The following RANBP17 variants were observed in gnomAD, a reference collection of about 807,000 sequenced individuals.
RANBP17 encodes the protein ran-binding protein 17.
A neutral mutation model predicts 141.2 loss-of-function variants in RANBP17; 158 were observed. The observed-to-expected ratio is 1.12, with a 90% CI of 0.98 to 1.28. The LOEUF (loss-of-function observed/expected upper bound fraction) is 1.28, where lower values mean the gene tolerates loss of function less well. RANBP17 is among the 50% of genes most tolerant of loss of function. The pLI is 0.00. For missense variants in RANBP17, 1,438 were observed against 1,290.7 expected, an observed-to-expected ratio of 1.11 and a Z score of -1.75; for synonymous variants, 430 against 450.0, an observed-to-expected ratio of 0.96 and a Z score of 0.56.
chr5:171,010,282 T>A (rs1779949103), intron 14 of RANBP17, among the ~76,000 whole-genome samples: 1 of 152,218 alleles, frequency 6.6e-6, no homozygotes, highest in African/African-American at 2.4e-5. Flanking sequence ...GCCTCAGGCT[T>A]GCTACGGAAA....
At position 171,219,970 on chromosome 5, in the gene RANBP17, G is replaced by A. The variant is rs558058007; in HGVS notation, c.2340-1788G>A. ...GCTGTGATCATTTGGAGGAGAAGAG[G>A]CATTCTGGTTTTTGGAATTTTCAGT... On this transcript the variant is annotated intron_variant, in intron 21 of 27. Coordinates refer to ENST00000523189, the MANE Select transcript of RANBP17 (RefSeq NM_022897.5). Among the ~76,000 whole-genome samples, 10 of 152,130 alleles carry A rather than the reference G, an allele frequency of 6.6e-5. No individual in the cohort carries two copies. The South Asian group carries it at 8.3e-4, about 13-fold the overall frequency.
rs940355709 is a variant in RANBP17, at chr5:171,105,189, C to T, written c.1711-64941C>T. 1.1e-4 allele frequency among the ~76,000 whole-genome samples: 17 copies of T among 150,594 alleles called. No individual in the cohort carries two copies. The East Asian group carries it at 2.7e-3, about 24-fold the overall frequency. On this transcript the variant is annotated intron_variant, in intron 14 of 27. Coordinates refer to ENST00000523189, the MANE Select transcript of RANBP17 (RefSeq NM_022897.5). ...CGAGGTCAGGAGATCGAGACCATCC[C>T]GGCTAAAACGGTGAAACCCCGTCTC...
At chr5:171,060,309 G>A (rs1783721434) in intron 14 of RANBP17, among the ~76,000 whole-genome samples, 1 of 141,904 alleles carries the variant, frequency 7.0e-6, no homozygotes, top group Non-Finnish European at 1.5e-5. Flanking sequence ...GTTTGTCATA[G>A]ATAGCTCTTA....
At chr5:171,047,140 C>T (rs2127644873) in intron 14 of RANBP17, among the ~76,000 whole-genome samples, 1 of 150,770 alleles carries the variant, frequency 6.6e-6, no homozygotes, top group South Asian at 2.1e-4. Flanking sequence ...GCTTCACTTC[C>T]CGAGTAGCTG....
chr5:171,226,756 T>A (rs1260534960), intron 22 of RANBP17, among the ~76,000 whole-genome samples: 5 of 152,206 alleles, frequency 3.3e-5, no homozygotes, highest in African/African-American at 1.2e-4. Flanking sequence ...AGCTATCACC[T>A]GTTAGGACTT....
chr5:171,174,052 C>T (rs1760277138), intron 16 of RANBP17, among the ~76,000 whole-genome samples: 1 of 152,076 alleles, frequency 6.6e-6, no homozygotes, highest in Admixed American at 6.6e-5. Flanking sequence ...CATTTTACCC[C>T]AGAATTGCTG....
chr5:171,210,139 T>G lies in RANBP17; in HGVS notation c.2232-3492T>G, dbSNP rs111305706. 4.5e-3 allele frequency among the ~76,000 whole-genome samples: 689 copies of G among 152,288 alleles called. 7 individuals carry two copies. The highest frequency in any genetic ancestry group is 0.016 in the African/African-American group (656 of 41,564). The stretch of plus-strand genomic sequence containing the variant: ...CAGTGAAAGCAATTAGATCTGTGCT[T>G]CTTCTACCTAAGGGCTCCCATTCTC... On this transcript the variant is annotated intron_variant, in intron 20 of 27. Coordinates refer to ENST00000523189, the MANE Select transcript of RANBP17 (RefSeq NM_022897.5).
intron 2 of RANBP17, among the ~76,000 whole-genome samples, chr5:170,881,057 A>G (rs1161739534): frequency 1.3e-5 from 2 of 151,832 alleles, no homozygotes; most frequent in Non-Finnish European, 2.9e-5. Flanking sequence ...AACTTTATGG[A>G]CACCAAAATA....
rs759122705 is a variant in RANBP17, at chr5:171,013,406, ATGT to A, written c.1710+45033_1710+45035del. Among the ~76,000 whole-genome samples the A allele has an allele frequency of 7.9e-4, 120 of 152,160 alleles. 1 individual carries two copies. In the Middle Eastern group the frequency reaches 0.014, roughly 17 times the overall value. ...TTGTTCATAACCAGTCTTCTTAGAA[ATGT>A]TGTCTGTACCACTTGTCTCCATGCC... On this transcript the variant is annotated intron_variant, in intron 14 of 27. Coordinates refer to ENST00000523189, the MANE Select transcript of RANBP17 (RefSeq NM_022897.5).
intron 2 of RANBP17, among the ~76,000 whole-genome samples, chr5:170,878,903 G>A (rs1199278805): frequency 6.6e-6 from 1 of 152,080 alleles, no homozygotes; most frequent in Non-Finnish European, 1.5e-5. Flanking sequence ...CAAAATGGAA[G>A]ATATTTTGTA....
At chr5:171,039,810 C>T (rs1021906136) in intron 14 of RANBP17, among the ~76,000 whole-genome samples, 30 of 151,978 alleles carry the variant, frequency 2.0e-4, no homozygotes, top group Non-Finnish European at 4.1e-4. Context: ...CAAAACCTTC[C>T]AAGTTTGAAT....
intron 25 of RANBP17, among the ~76,000 whole-genome samples, chr5:171,272,520 A>G (rs780365082): frequency 6.6e-5 from 10 of 151,720 alleles, no homozygotes; most frequent in Admixed American, 1.3e-4. Flanking sequence ...CTGAGGCACA[A>G]AAAAAAATAG....
chr5:171,141,335 A>G (rs552189178), intron 14 of RANBP17, among the ~76,000 whole-genome samples: 6 of 151,638 alleles, frequency 4.0e-5, no homozygotes, highest in Non-Finnish European at 8.8e-5. Flanking sequence ...AGTGCCTCAC[A>G]CCTGTAATCC....
rs200059683 is a variant in RANBP17, at chr5:171,242,848, A to G, written c.2776+28A>G. The G allele has an allele frequency of 3.5e-5, 57 of 1,608,346 alleles. No individual in the cohort carries two copies. The Admixed American group carries it at 4.7e-4, about 13-fold the overall frequency. ...AAGGATCATAGAGGACATTGTTTCC[A>G]TAGGAAAAACTTGATTATGGGCTTT... On this transcript the variant is annotated intron_variant, in intron 24 of 27. Coordinates refer to ENST00000523189, the MANE Select transcript of RANBP17 (RefSeq NM_022897.5).
At chr5:171,144,048 A>G (rs1327281015) in intron 14 of RANBP17, among the ~76,000 whole-genome samples, 3 of 152,194 alleles carry the variant, frequency 2.0e-5, no homozygotes, top group Non-Finnish European at 4.4e-5. Context: ...AAGCTAAGGA[A>G]GGAAGGTTTT....
At chr5:171,253,139 T>C (rs1439478658) in intron 24 of RANBP17, among the ~76,000 whole-genome samples, 2 of 152,198 alleles carry the variant, frequency 1.3e-5, no homozygotes, top group East Asian at 1.9e-4. Flanking sequence ...AGACGATGGA[T>C]TGACAAGCCC....
rs548419267 is a variant in RANBP17 at position 171,023,341 on chromosome 5, T to C, written c.1710+54964T>C. 2.8e-4 allele frequency among the ~76,000 whole-genome samples: 42 copies of C among 152,356 alleles called. No homozygotes were observed. In the South Asian group the frequency reaches 3.3e-3, roughly 12 times the overall value. On this transcript the variant is annotated intron_variant, in intron 14 of 27. Transcript: ENST00000523189. ...TCTGTCCTTTGTACTATTGTTCTTATAGATTTTACATCTACATCAAACCTG... is the reference window on the plus strand; with the variant it reads ...TCTGTCCTTTGTACTATTGTTCTTACAGATTTTACATCTACATCAAACCTG...
In RANBP17 at chr5:171,137,606, C is replaced by CTG. The variant is rs1235455020; in HGVS notation, c.1711-32506_1711-32505dup. On this transcript the variant is annotated intron_variant, in intron 14 of 27. Transcript: ENST00000523189. Reference sequence around the variant, plus strand: ...TGTGTGTGTGTGTGTGTGTGTGTGTCTGTGTGTGTGTGTGTGTGTCTGTGT... The same window carrying CTG: ...TGTGTGTGTGTGTGTGTGTGTGTGTCTGTGTGTGTGTGTGTGTGTGTCTGTGT... Among the ~76,000 whole-genome samples the CTG allele has an allele frequency of 7.1e-3, 446 of 62,666 alleles. 3 individuals carry two copies. The highest frequency in any genetic ancestry group is 0.018 in the Middle Eastern group (2 of 114). 41.1% of individuals were successfully genotyped at this position (62,666 alleles called of 152,430 possible).
At chr5:171,071,911 C>T (rs1210061755) in intron 14 of RANBP17, among the ~76,000 whole-genome samples, 1 of 152,002 alleles carries the variant, frequency 6.6e-6, no homozygotes, top group Admixed American at 6.6e-5. Flanking sequence ...TTTAAACTTT[C>T]ACTCTAAGAA....
Sources: gnomAD v4.1 joint callset for allele counts (sites outside exome capture counted in the v4.1 genomes callset) on GRCh38, gnomAD v4.1.1 for gene constraint, MANE v1.5 for transcripts, NCBI Gene and HGNC (gene_info 2026-07-23, HGNC 2026-07-21) for gene names.